Variants in BMERB1 observed in about 807,000 individuals in gnomAD.
The protein encoded by BMERB1 is bMERB domain-containing protein 1.
Under a neutral mutation model 23.6 loss-of-function variants are expected in BMERB1, and 12 were observed. The ratio of observed to expected loss-of-function variants is 0.51; its 90% CI spans 0.33 to 0.82. BMERB1 has a LOEUF of 0.82. BMERB1 is among the 40% of genes least tolerant of loss of function. The pLI is 0.03. For missense variants in BMERB1, 247 were observed against 255.4 expected, an observed-to-expected ratio of 0.97 and a Z score of 0.22; for synonymous variants, 122 against 96.6, an observed-to-expected ratio of 1.26 and a Z score of -1.54.
intron 1 of BMERB1, among the ~76,000 whole-genome samples, chr16:15,490,342 G>A (rs1404447183): frequency 2.6e-5 from 4 of 152,182 alleles, no homozygotes; most frequent in African/African-American, 9.7e-5. Flanking sequence ...GAGTGCAGTG[G>A]CGTGATCATG....
chr16:15,482,037 G>A (rs1186497113), intron 1 of BMERB1, among the ~76,000 whole-genome samples: 1 of 151,970 alleles, frequency 6.6e-6, no homozygotes, highest in African/African-American at 2.4e-5. Context: ...GGCCTGCTGT[G>A]TAATTCTAAA....
chr16:15,495,396 C>CG (rs761041836), intron 1 of BMERB1, among the ~76,000 whole-genome samples: 30 of 150,272 alleles, frequency 2.0e-4, no homozygotes, highest in Non-Finnish European at 3.4e-4. Flanking sequence ...GACAGAGTCT[C>CG]GCTCTGTCAC....
At chr16:15,573,322 AAG>A (rs2030778659) in intron 3 of BMERB1, among the ~76,000 whole-genome samples, 1 of 152,204 alleles carries the variant, frequency 6.6e-6, no homozygotes, top group Non-Finnish European at 1.5e-5. Context: ...ACAATAGAGA[AAG>A]AGTAATTCAT....
intron 2 of BMERB1, among the ~76,000 whole-genome samples, chr16:15,534,766 TC>T (rs1182343295): frequency 2.6e-5 from 4 of 151,874 alleles, no homozygotes; most frequent in Admixed American, 1.3e-4. Context: ...TTATCTCAGC[TC>T]CCTCCATTCC....
chr16:15,526,794 A>G (rs921604132), intron 2 of BMERB1, among the ~76,000 whole-genome samples: 5 of 151,020 alleles, frequency 3.3e-5, no homozygotes, highest in Non-Finnish European at 7.4e-5. Flanking sequence ...TGAGAAAAAT[A>G]TGAGGGAATG....
At position 15,535,129 on chromosome 16, in the gene BMERB1, C is replaced by T. The variant is rs117618482; in HGVS notation, c.230+19701C>T. 5.3e-4 allele frequency among the ~76,000 whole-genome samples: 81 copies of T among 152,116 alleles called. 1 individual carries two copies. The East Asian group carries it at 0.015, about 28-fold the overall frequency. ...CTTTGAGAGGCTTAGGTGGGAGGAT[C>T]GCTTGAGCCTAGAAGTTCAAGACCA... is the stretch of plus-strand genomic sequence containing the variant. On this transcript the variant is annotated intron_variant, in intron 2 of 5. Coordinates refer to ENST00000300006, the MANE Select transcript of BMERB1 (RefSeq NM_033201.3).
chr16:15,552,135 G>A (rs987629537), intron 2 of BMERB1, among the ~76,000 whole-genome samples: 1 of 151,872 alleles, frequency 6.6e-6, no homozygotes, highest in African/African-American at 2.4e-5. Flanking sequence ...TAAGAGTCTG[G>A]GGGAAAAAAA....
chr16:15,557,385 A>T lies in BMERB1; in HGVS notation c.231-10598A>T, dbSNP rs75009646. 3.0e-3 allele frequency among the ~76,000 whole-genome samples: 464 copies of T among 152,320 alleles called. 2 individuals are homozygous for T. The highest frequency in any genetic ancestry group is 5.5e-3 in the Non-Finnish European group (372 of 68,028). On this transcript the variant is annotated intron_variant, in intron 2 of 5. Coordinates refer to ENST00000300006, the MANE Select transcript of BMERB1 (RefSeq NM_033201.3). The stretch of plus-strand genomic sequence containing the variant: ...CAGCCATGCTTCTAAAGCATGGCTT[A>T]TTCGAACTTCCAGCTATGCTTTTAA...
chr16:15,490,659 C>T (rs1022196881), intron 1 of BMERB1, among the ~76,000 whole-genome samples: 1 of 152,116 alleles, frequency 6.6e-6, no homozygotes, highest in Admixed American at 6.5e-5. Flanking sequence ...GCCCTGGCTA[C>T]CTGGGATTCA....
At position 15,447,134 on chromosome 16, in the gene BMERB1, C is replaced by A. The variant is rs79596725; in HGVS notation, c.106+12375C>A. On this transcript the variant is annotated intron_variant, in intron 1 of 5. Coordinates refer to ENST00000300006, the MANE Select transcript of BMERB1 (RefSeq NM_033201.3). Reference sequence around the variant, plus strand: ...ATGGGGATAATAACAGGATCTGCCCCAAAGGATGTATTGGTCCGTTTTCAC... The same window carrying A: ...ATGGGGATAATAACAGGATCTGCCCAAAAGGATGTATTGGTCCGTTTTCAC... 7.8e-3 allele frequency among the ~76,000 whole-genome samples: 1,190 copies of A among 152,202 alleles called. 18 individuals carry two copies. The highest frequency in any genetic ancestry group is 0.027 in the African/African-American group (1,134 of 41,494).
intron 1 of BMERB1, among the ~76,000 whole-genome samples, chr16:15,484,327 A>C (rs2051349718): frequency 6.6e-6 from 1 of 151,928 alleles, no homozygotes; most frequent in Admixed American, 6.6e-5. Context: ...CCTCTTGACC[A>C]CCATATCTAG....
At position 15,470,825 on chromosome 16, in the gene BMERB1, CTTT is replaced by C. The variant is rs35873574; in HGVS notation, c.106+36092_106+36094del. On this transcript the variant is annotated intron_variant, in intron 1 of 5. Coordinates refer to ENST00000300006, the MANE Select transcript of BMERB1 (RefSeq NM_033201.3). ...AGGCATGAGCCACCGCACCTGGCCT[CTTT>C]TTTTTTTTTTTTTTTTTTTTTTTTT... Among the ~76,000 whole-genome samples the C allele has an allele frequency of 1.6e-3, 80 of 49,378 alleles. No homozygotes were observed. The South Asian group carries it at 0.05, about 31-fold the overall frequency. The allele number at this position is 49,378 out of a possible 152,430, so 32.4% of individuals were successfully genotyped here. A position where few individuals can be genotyped will look rare whatever the true frequency, so the allele number is the denominator to read the frequency against.
intron 2 of BMERB1, among the ~76,000 whole-genome samples, chr16:15,534,553 TA>T (rs559020691): frequency 1.3e-5 from 2 of 150,622 alleles, no homozygotes; most frequent in Non-Finnish European, 3.0e-5. Context: ...GACTCTGTCT[TA>T]AAAAAAAAGT....
At chr16:15,469,003 T>C (rs1241084969) in intron 1 of BMERB1, among the ~76,000 whole-genome samples, 1 of 150,108 alleles carries the variant, frequency 6.7e-6, no homozygotes, top group Non-Finnish European at 1.5e-5. Flanking sequence ...ATCCTTGCTG[T>C]GTTGCCCAGG....
intron 2 of BMERB1, among the ~76,000 whole-genome samples, chr16:15,525,637 G>A (rs1448608744): frequency 2.0e-5 from 3 of 151,582 alleles, no homozygotes; most frequent in South Asian, 4.2e-4. Flanking sequence ...CTTGGGAGGT[G>A]GAGGTTGCAG....
chr16:15,557,283 G>A (rs1217822911), intron 2 of BMERB1, among the ~76,000 whole-genome samples: 1 of 152,106 alleles, frequency 6.6e-6, no homozygotes, highest in Non-Finnish European at 1.5e-5. Flanking sequence ...GGAACGAGCC[G>A]GCAGCAGCAG....
At chr16:15,515,181 C>T in intron 1 of BMERB1, 124 bp from the exon 2 acceptor site, 1 of 1,352,888 alleles carries the variant, frequency 7.4e-7, no homozygotes, top group Admixed American at 2.2e-5. Context: ...GTGGCACAGG[C>T]TGAAGTCTGT....
intron 1 of BMERB1, among the ~76,000 whole-genome samples, chr16:15,479,361 T>G (rs1015585423): frequency 6.6e-6 from 1 of 152,208 alleles, no homozygotes; most frequent in African/African-American, 2.4e-5. Flanking sequence ...AAAATCATAC[T>G]TGAGCAAAAG....
chr16:15,438,715 C>T (rs1323381051), intron 1 of BMERB1, among the ~76,000 whole-genome samples: 4 of 152,230 alleles, frequency 2.6e-5, no homozygotes, highest in African/African-American at 9.6e-5. Flanking sequence ...CCTCCTTGGC[C>T]TCCCAAAGGG....
Sources: allele counts gnomAD v4.1 joint callset (sites outside exome capture counted in the v4.1 genomes callset), GRCh38; gene constraint gnomAD v4.1.1; transcripts MANE v1.5; gene names NCBI Gene and HGNC (gene_info 2026-07-23, HGNC 2026-07-21).